The following SCHIP1 variants were observed in gnomAD, a reference collection of about 807,000 sequenced individuals.
SCHIP1 encodes the protein schwannomin-interacting protein 1.
Under a neutral mutation model 29.7 loss-of-function variants are expected in SCHIP1, and 8 were observed. That is an observed-to-expected ratio of 0.27 (90% CI 0.16 to 0.49). The LOEUF (loss-of-function observed/expected upper bound fraction) is 0.49, where lower values mean the gene tolerates loss of function less well. SCHIP1 is among the 20% of genes least tolerant of loss of function. The pLI, the probability that SCHIP1 is intolerant of heterozygous loss-of-function variation, is 0.99. For synonymous variants in SCHIP1, 76 were observed against 94.9 expected (o/e 0.80, Z 1.16); for missense variants, 193 against 294.6 (o/e 0.66, Z 2.52).
At chr3:159,764,150 T>C in the SCHIP1 span, 7 of 372,180 alleles carry the variant, frequency 1.9e-5, no homozygotes, top group Admixed American at 2.1e-4. The surrounding 1 kb of genome is among the most constrained non-coding windows in gnomAD (Gnocchi z 6.1). Context: ...TAATACAAAG[T>C]CTGCGCGCGC....
chr3:159,408,591 A>G, the SCHIP1 span, among the ~76,000 whole-genome samples: 1 of 152,170 alleles, frequency 6.6e-6, no homozygotes, highest in African/African-American at 2.4e-5. Flanking sequence ...ACATTCTTAG[A>G]CACATACAAC....
At chr3:159,622,202 A>C in the SCHIP1 span, among the ~76,000 whole-genome samples, 793 of 152,330 alleles carry the variant, frequency 5.2e-3, 11 homozygotes, top group Non-Finnish European at 5.7e-3. Flanking sequence ...CTAAGCAGGC[A>C]AGGTGCCACC....
the SCHIP1 span, among the ~76,000 whole-genome samples, chr3:159,701,928 G>A: frequency 1.3e-5 from 2 of 152,148 alleles, no homozygotes; most frequent in African/African-American, 4.8e-5. Context: ...GATCTACATT[G>A]AAGTCCAAGC....
intron 6 of SCHIP1, 58 bp downstream of exon 7, chr3:159,892,248 G>A (rs1553800868): frequency 6.3e-7 from 1 of 1,599,504 alleles, no homozygotes; most frequent in Non-Finnish European, 8.5e-7. Flanking sequence ...TGAAATCTAA[G>A]AATTAGGCAA....
exon 7 of SCHIP1, chr3:159,896,903 T>C (rs1718117463): frequency 1.5e-5 from 14 of 932,610 alleles, no homozygotes; most frequent in Non-Finnish European, 2.1e-5. Flanking sequence ...AAGCTTAATG[T>C]CCAGTGATTG....
At chr3:159,896,763 C>T in exon 7 of SCHIP1, 2 of 1,606,024 alleles carry the variant, frequency 1.2e-6, no homozygotes, top group Non-Finnish European at 1.7e-6. Context: ...AGAGAAAATG[C>T]CTGCAAAGTG....
chr3:159,495,874 C>A, the SCHIP1 span, among the ~76,000 whole-genome samples: 2 of 152,146 alleles, frequency 1.3e-5, no homozygotes, highest in Non-Finnish European at 2.9e-5. Flanking sequence ...CTACAGTAAC[C>A]AAACCAGCAT....
intron 1 of SCHIP1, among the ~76,000 whole-genome samples, chr3:159,843,074 C>CA (rs1744424751): frequency 7.7e-6 from 1 of 129,552 alleles, no homozygotes; most frequent in Non-Finnish European, 1.6e-5. Flanking sequence ...TGCAGTGGCG[C>CA]AATCTCAGTG....
the SCHIP1 span, among the ~76,000 whole-genome samples, chr3:159,345,182 G>A: frequency 8.2e-5 from 12 of 146,292 alleles, no homozygotes; most frequent in Non-Finnish European, 1.5e-4. Context: ...AGCCAAGATC[G>A]TGACACTGCA....
the SCHIP1 span, among the ~76,000 whole-genome samples, chr3:159,731,679 T>C: frequency 6.6e-6 from 1 of 152,224 alleles, no homozygotes; most frequent in Non-Finnish European, 1.5e-5. Context: ...ACTGCCCTCC[T>C]CTTTGAGGCG....
chr3:159,775,308 T>C, the SCHIP1 span, among the ~76,000 whole-genome samples: 1 of 152,306 alleles, frequency 6.6e-6, no homozygotes, highest in African/African-American at 2.4e-5. Context: ...CAGAGGCAGG[T>C]GATTCTCCAT....
chr3:159,500,576 T>G, the SCHIP1 span, among the ~76,000 whole-genome samples: 2 of 151,908 alleles, frequency 1.3e-5, no homozygotes, highest in African/African-American at 4.8e-5. Flanking sequence ...TAGCTGGGTG[T>G]GGTGGCGGGC....
chr3:159,655,380 G>GTGATGATGA, the SCHIP1 span, among the ~76,000 whole-genome samples: 1 of 151,980 alleles, frequency 6.6e-6, no homozygotes, highest in Non-Finnish European at 1.5e-5. Context: ...AGTAGTAGTA[G>GTGATGATGA]TGATGATGAT....
At chr3:159,874,610 GA>G (rs2109326363) in intron 2 of SCHIP1, among the ~76,000 whole-genome samples, 1 of 152,288 alleles carries the variant, frequency 6.6e-6, no homozygotes, top group African/African-American at 2.4e-5. Flanking sequence ...GAGGAACTGA[GA>G]ATCTGTATAT....
At chr3:159,659,982 C>T in the SCHIP1 span, among the ~76,000 whole-genome samples, 1 of 152,130 alleles carries the variant, frequency 6.6e-6, no homozygotes, top group Admixed American at 6.5e-5. Flanking sequence ...ACATAGGACA[C>T]CATCGAGTCA....
the SCHIP1 span, among the ~76,000 whole-genome samples, chr3:159,510,696 C>T: frequency 1.1e-4 from 16 of 152,276 alleles, 1 homozygote; most frequent in African/African-American, 3.4e-4. Context: ...AGTCAGGACC[C>T]TCAGCTGCAG....
the SCHIP1 span, among the ~76,000 whole-genome samples, chr3:159,281,025 G>A: frequency 1.3e-5 from 2 of 152,182 alleles, no homozygotes; most frequent in South Asian, 2.1e-4. Context: ...TGGGGCAATC[G>A]TGGCTGTGGA....
At chr3:159,409,774 G>A in the SCHIP1 span, among the ~76,000 whole-genome samples, 1 of 151,940 alleles carries the variant, frequency 6.6e-6, no homozygotes, top group Non-Finnish European at 1.5e-5. Context: ...TGCAGAAATA[G>A]AAAAGAGAAT....
the SCHIP1 span, among the ~76,000 whole-genome samples, chr3:159,489,333 T>C: frequency 2.8e-4 from 43 of 152,218 alleles, no homozygotes; most frequent in African/African-American, 1.0e-3. Flanking sequence ...AGAAGACTTT[T>C]ACTATTAGCC....
Sources: allele counts gnomAD v4.1 joint callset (sites outside exome capture counted in the v4.1 genomes callset), GRCh38; gene constraint gnomAD v4.1.1; non-coding constraint Gnocchi (gnomAD v3.1); transcripts MANE v1.5; gene names NCBI Gene and HGNC (gene_info 2026-07-23, HGNC 2026-07-21).